Variants in CNTN5 observed in about 807,000 individuals in gnomAD.
The protein encoded by CNTN5 is contactin-5.
CNTN5 carries 77 observed loss-of-function variants against 129.1 expected under a neutral mutation model. The ratio of observed to expected loss-of-function variants is 0.60; its 90% CI spans 0.50 to 0.72. The LOEUF (loss-of-function observed/expected upper bound fraction) is 0.72, where lower values mean the gene tolerates loss of function less well. Among genes scored for constraint, CNTN5 ranks in the 30% least tolerant of loss-of-function variants. The probability of loss-of-function intolerance (pLI) is 0.00; values close to 1 mark genes in which losing one functional copy is unlikely to be tolerated. For synonymous variants in CNTN5, 509 were observed against 465.6 expected (o/e 1.09, Z -1.20); for missense variants, 1,478 against 1,328.8 (o/e 1.11, Z -1.75).
At chr11:99,503,875 A>G (rs141046542) in intron 2 of CNTN5, among the ~76,000 whole-genome samples, 7 of 152,332 alleles carry the variant, frequency 4.6e-5, no homozygotes, top group African/African-American at 1.7e-4. Context: ...ATAATTATTC[A>G]ATAAATATGA....
intron 1 of CNTN5, among the ~76,000 whole-genome samples, chr11:99,031,633 G>A (rs1863377566): frequency 1.4e-5 from 2 of 147,004 alleles, no homozygotes; most frequent in African/African-American, 2.5e-5. Flanking sequence ...TGAGCTATTT[G>A]AAAAAAAAAC....
intron 1 of CNTN5, among the ~76,000 whole-genome samples, chr11:99,144,660 G>C (rs549853507): frequency 1.3e-5 from 2 of 151,850 alleles, no homozygotes; most frequent in Non-Finnish European, 2.9e-5. Context: ...CAAAACACCT[G>C]TCTTCAAGTT....
At chr11:99,021,419 T>G (rs1291436668) in intron 1 of CNTN5, 149 bp downstream of exon 1, 1 of 152,194 alleles carries the variant, frequency 6.6e-6, no homozygotes, top group East Asian at 1.9e-4. Flanking sequence ...AGATGAAGCT[T>G]TTTTAAATAA....
At chr11:100,163,458 G>A (rs1947524266) in intron 13 of CNTN5, among the ~76,000 whole-genome samples, 1 of 151,744 alleles carries the variant, frequency 6.6e-6, no homozygotes, top group Admixed American at 6.6e-5. Context: ...TGTACAGATG[G>A]ATATGAAAAT....
Position 99,174,084 on chromosome 11 carries a change from C to T in CNTN5, c.-209-151262C>T, listed in dbSNP as rs570269973. On this transcript the variant is annotated intron_variant, in intron 1 of 24. Transcript: ENST00000524871. ...CGTGTTCTTGGCTCACTGCAATCAC[C>T]GCCTCCCAGGTTCAAATGATCTTCC... Among the ~76,000 whole-genome samples, 26 of 152,128 alleles carry T rather than the reference C, an allele frequency of 1.7e-4. No homozygotes were observed. In the South Asian group the frequency reaches 1.9e-3, roughly 11 times the overall value.
intron 2 of CNTN5, among the ~76,000 whole-genome samples, chr11:99,479,891 C>T (rs1455848238): frequency 6.6e-6 from 1 of 150,764 alleles, no homozygotes; most frequent in East Asian, 1.9e-4. Context: ...TTTTTTTGTC[C>T]AGTTTAGTTT....
At position 99,933,562 on chromosome 11, in the gene CNTN5, T is replaced by C. The variant is rs549300479; in HGVS notation, c.673+17413T>C. On this transcript the variant is annotated intron_variant, in intron 7 of 24. Transcript: ENST00000524871. ...ATGTGATTTCTGTCCCTATATTTTGTTTTGTCCAGAAATTGTTTTTGAAGA... is the reference window on the plus strand; with the variant it reads ...ATGTGATTTCTGTCCCTATATTTTGCTTTGTCCAGAAATTGTTTTTGAAGA... Among the ~76,000 whole-genome samples the C allele has an allele frequency of 2.0e-5, 3 of 152,306 alleles. No individual in the cohort carries two copies. The East Asian group carries it at 5.8e-4, about 29-fold the overall frequency.
intron 21 of CNTN5, chr11:100,336,906 G>A (rs1944175): frequency 0.27 from 156,943 of 582,790 alleles, 22,953 homozygotes; most frequent in Middle Eastern, 0.31. Flanking sequence ...TAGGGCAGCC[G>A]GTGAATACAT....
intron 2 of CNTN5, among the ~76,000 whole-genome samples, chr11:99,454,558 A>G (rs1412867875): frequency 6.6e-6 from 1 of 152,114 alleles, no homozygotes; most frequent in African/African-American, 2.4e-5. Flanking sequence ...CCTCTTGATC[A>G]GTAGTCCAAC....
At chr11:100,111,558 ATGT>A (rs1176361129) in intron 13 of CNTN5, among the ~76,000 whole-genome samples, 4 of 152,280 alleles carry the variant, frequency 2.6e-5, no homozygotes, top group Admixed American at 2.6e-4. Context: ...AGAGACAATA[ATGT>A]TGTTCATTTT....
In CNTN5 at chr11:99,508,630, A is replaced by G. The variant is rs76517871; in HGVS notation, c.-70-47515A>G. Among the ~76,000 whole-genome samples, 947 of 152,234 alleles carry G rather than the reference A, an allele frequency of 6.2e-3. 8 individuals carry two copies. The highest frequency in any genetic ancestry group is 0.021 in the African/African-American group (891 of 41,534). Reference sequence around the variant, plus strand: ...ACAATCTTTAAAAACGTAGGCTTTTATATCAACTGAAGTGACTCAGGTTCA... The same window carrying G: ...ACAATCTTTAAAAACGTAGGCTTTTGTATCAACTGAAGTGACTCAGGTTCA... On this transcript the variant is annotated intron_variant, in intron 2 of 24. Transcript: ENST00000524871.
chr11:99,649,153 C>G (rs940516575), intron 3 of CNTN5, among the ~76,000 whole-genome samples: 2 of 150,666 alleles, frequency 1.3e-5, no homozygotes, highest in African/African-American at 4.9e-5. Flanking sequence ...CACTGTATGC[C>G]CCATAAATAG....
At chr11:100,166,256 C>T (rs1030819458) in intron 13 of CNTN5, among the ~76,000 whole-genome samples, 3 of 151,614 alleles carry the variant, frequency 2.0e-5, no homozygotes, top group Non-Finnish European at 3.0e-5. Context: ...AGATTTTGAA[C>T]CAATTAGAGA....
chr11:99,472,056 C>T (rs1347085638), intron 2 of CNTN5, among the ~76,000 whole-genome samples: 3 of 151,990 alleles, frequency 2.0e-5, no homozygotes, highest in African/African-American at 7.2e-5. Flanking sequence ...GAAACTGAAC[C>T]TCAGTTTTCA....
At chr11:99,356,197 C>T (rs927251858) in intron 2 of CNTN5, among the ~76,000 whole-genome samples, 9 of 151,022 alleles carry the variant, frequency 6.0e-5, no homozygotes, top group African/African-American at 2.2e-4. Flanking sequence ...CACCCCCCCC[C>T]AACCAAGTTT....
intron 3 of CNTN5, among the ~76,000 whole-genome samples, chr11:99,580,734 A>T (rs1949551945): frequency 6.8e-6 from 1 of 147,942 alleles, no homozygotes; most frequent in African/African-American, 2.5e-5. Flanking sequence ...CTTCTTTATT[A>T]GTCTTGCTAA....
chr11:99,231,305 C>T (rs1301596192), intron 1 of CNTN5, among the ~76,000 whole-genome samples: 1 of 151,972 alleles, frequency 6.6e-6, no homozygotes, highest in Non-Finnish European at 1.5e-5. Context: ...CCTCAGCCAA[C>T]ATCTGCTGTT....
intron 13 of CNTN5, among the ~76,000 whole-genome samples, chr11:100,165,632 T>C (rs1054576245): frequency 3.3e-5 from 5 of 151,786 alleles, no homozygotes; most frequent in Non-Finnish European, 7.4e-5. Flanking sequence ...AGTTTAAACA[T>C]AGAAGTTGAA....
At chr11:99,168,617 A>G (rs1227600575) in intron 1 of CNTN5, among the ~76,000 whole-genome samples, 1 of 147,854 alleles carries the variant, frequency 6.8e-6, no homozygotes, top group Non-Finnish European at 1.5e-5. Context: ...TAGGAAATGT[A>G]CAAGTTATGG....
Sources: gnomAD v4.1 joint callset for allele counts (sites outside exome capture counted in the v4.1 genomes callset) on GRCh38, gnomAD v4.1.1 for gene constraint, MANE v1.5 for transcripts, NCBI Gene and HGNC (gene_info 2026-07-23, HGNC 2026-07-21) for gene names.